The following MS4A4E variants were observed in gnomAD, a reference collection of about 807,000 sequenced individuals.
MS4A4E encodes membrane spanning 4-domains A4E.
In MS4A4E, 23 loss-of-function variants were observed where a neutral mutation model predicts 13.3. That is an observed-to-expected ratio of 1.73 (90% CI 1.25 to 2.45). The LOEUF (loss-of-function observed/expected upper bound fraction) is 2.45. MS4A4E is among the 30% of genes most tolerant of loss of function. MS4A4E has a pLI of 0.00. For synonymous variants in MS4A4E, 36 were observed against 45.6 expected (o/e 0.79, Z 0.85); for missense variants, 144 against 131.2 (o/e 1.10, Z -0.48).
chr11:60,230,224 A>G (rs2084391483), intron 1 of MS4A4E, among the ~76,000 whole-genome samples, 153 bp from the exon 2 acceptor site: 1 of 152,208 alleles, frequency 6.6e-6, no homozygotes, highest in South Asian at 2.1e-4. Context: ...TGGAAGAGGC[A>G]ACACATTAAG....
At chr11:60,238,141 G>A (rs1335631905) in intron 1 of MS4A4E, among the ~76,000 whole-genome samples, 1 of 151,150 alleles carries the variant, frequency 6.6e-6, no homozygotes, top group African/African-American at 2.4e-5. Context: ...AGTTTTGTTC[G>A]CTTATGTTGT....
intron 3 of MS4A4E, among the ~76,000 whole-genome samples, chr11:60,217,379 C>G (rs1011772003): frequency 6.6e-6 from 1 of 152,144 alleles, no homozygotes; most frequent in Non-Finnish European, 1.5e-5. Flanking sequence ...CTTGATGAAG[C>G]TGGGGACACT....
chr11:60,227,306 C>T (rs2084356060), intron 3 of MS4A4E, among the ~76,000 whole-genome samples: 1 of 152,138 alleles, frequency 6.6e-6, no homozygotes, highest in Non-Finnish European at 1.5e-5. Flanking sequence ...AATCCCAGCA[C>T]TTTGGGAGGC....
chr11:60,224,890 A>G, intron 3 of MS4A4E: 1 of 1,233,360 alleles, frequency 8.1e-7, no homozygotes, highest in South Asian at 2.7e-5. Context: ...TAGAATTAGA[A>G]TAAAATTGCA....
In MS4A4E at chr11:60,213,079, C is replaced by A; in HGVS notation, c.276G>T (p.Gly92=). 1.9e-6 allele frequency: 1 copy of A among 523,556 alleles called. No homozygotes were observed. The allele number at this position is 523,556 out of a possible 1,614,324, so 32.4% of individuals were successfully genotyped here. The change falls in exon 5 of 9, where the codon GGG becomes GGT. Residue 92 remains glycine, a synonymous_variant. Coordinates refer to ENST00000651255, the MANE Select transcript of MS4A4E (RefSeq NM_001393391.1). ...NITSSVLAIS[G]ILINAISLTF... is the part of the protein sequence containing the mutation. ...TCAAGCTTATTGCATTGATTAAGAT[C>A]CCTGATATAGCCAAGACTGAACTGG...
intron 1 of MS4A4E, among the ~76,000 whole-genome samples, chr11:60,239,961 A>G (rs531899665): frequency 6.6e-6 from 1 of 152,360 alleles, no homozygotes; most frequent in South Asian, 2.1e-4. Flanking sequence ...CCATAATTTG[A>G]TCATTTATCA....
At chr11:60,213,554 G>T (rs2134929664) in intron 4 of MS4A4E, among the ~76,000 whole-genome samples, 1 of 152,154 alleles carries the variant, frequency 6.6e-6, no homozygotes, top group South Asian at 2.1e-4. Flanking sequence ...CTTCTCATGG[G>T]TAAGGTAAGG....
intron 1 of MS4A4E, among the ~76,000 whole-genome samples, chr11:60,231,695 A>G (rs1247061710): frequency 6.6e-6 from 1 of 152,222 alleles, no homozygotes; most frequent in Non-Finnish European, 1.5e-5. Context: ...TAAATGCATC[A>G]GCTGATACCT....
chr11:60,233,637 C>T (rs557394277), intron 1 of MS4A4E, among the ~76,000 whole-genome samples: 7 of 152,292 alleles, frequency 4.6e-5, no homozygotes, highest in African/African-American at 1.4e-4. Context: ...TCCATGTGTA[C>T]AGGCTCACAG....
intron 3 of MS4A4E, among the ~76,000 whole-genome samples, chr11:60,217,330 T>C (rs1590713067): frequency 1.3e-5 from 2 of 152,286 alleles, no homozygotes; most frequent in South Asian, 4.1e-4. Context: ...TGAAAAAGAA[T>C]GGGACCCTGC....
rs200718092 is a variant in MS4A4E, at chr11:60,219,648, A to T, written c.179-5034T>A. 2.0e-5 allele frequency among the ~76,000 whole-genome samples: 3 copies of T among 152,278 alleles called. No homozygotes were observed. In the East Asian group the frequency reaches 5.8e-4, roughly 29 times the overall value. ...AAAAGGAGGCCAGGTCCTCTTAAAG[A>T]AGGATCCCACTATACTACTGACAAT... On this transcript the variant is annotated intron_variant, in intron 3 of 8. Transcript: ENST00000651255.
intron 3 of MS4A4E, 105 bp downstream of exon 3, chr11:60,228,489 T>C: frequency 1.7e-6 from 1 of 579,802 alleles, no homozygotes; most frequent in Non-Finnish European, 3.1e-6. Context: ...TCTCCTTCAT[T>C]GTTGACTGAA....
At chr11:60,214,967 T>A (rs1305335887) in intron 3 of MS4A4E, among the ~76,000 whole-genome samples, 1 of 152,156 alleles carries the variant, frequency 6.6e-6, no homozygotes, top group African/African-American at 2.4e-5. Flanking sequence ...TGTACTAAAA[T>A]AATTCTCATT....
At chr11:60,237,585 C>T (rs1215816409) in intron 1 of MS4A4E, among the ~76,000 whole-genome samples, 1 of 152,160 alleles carries the variant, frequency 6.6e-6, no homozygotes, top group Non-Finnish European at 1.5e-5. Context: ...ATTTCTTTTT[C>T]TCCATAACCT....
intron 1 of MS4A4E, among the ~76,000 whole-genome samples, chr11:60,240,745 C>A (rs2084538104): frequency 6.6e-6 from 1 of 152,132 alleles, no homozygotes; most frequent in South Asian, 2.1e-4. Context: ...CCGGCCATGA[C>A]CACCTTACAA....
intron 3 of MS4A4E, among the ~76,000 whole-genome samples, chr11:60,221,205 A>G (rs1374084045): frequency 6.6e-6 from 1 of 152,074 alleles, no homozygotes; most frequent in East Asian, 1.9e-4. Flanking sequence ...TCAAGTCACC[A>G]TGCGACCTGA....
At chr11:60,219,276 A>C (rs2134941646) in intron 3 of MS4A4E, among the ~76,000 whole-genome samples, 1 of 152,314 alleles carries the variant, frequency 6.6e-6, no homozygotes, top group South Asian at 2.1e-4. Flanking sequence ...TCAACTACAA[A>C]ATTTAAATGC....
chr11:60,227,525 T>C (rs2084359158), intron 3 of MS4A4E, among the ~76,000 whole-genome samples: 2 of 152,094 alleles, frequency 1.3e-5, no homozygotes, highest in Admixed American at 1.3e-4. Flanking sequence ...CACTCCAGCC[T>C]GGGTGACAGC....
At chr11:60,233,404 C>A (rs2084438067) in intron 1 of MS4A4E, among the ~76,000 whole-genome samples, 2 of 152,210 alleles carry the variant, frequency 1.3e-5, no homozygotes, top group African/African-American at 4.8e-5. Flanking sequence ...CAGAATCAGT[C>A]TCAATTCCAT....
Sources: gnomAD v4.1 joint callset for allele counts (sites outside exome capture counted in the v4.1 genomes callset) on GRCh38, gnomAD v4.1.1 for gene constraint, MANE v1.5 for transcripts, NCBI Gene and HGNC (gene_info 2026-07-23, HGNC 2026-07-21) for gene names.